STAT5B: variants seen among roughly 807,000 people sequenced by gnomAD.
STAT5B encodes the protein transcription factor STAT5B.
Under a neutral mutation model 107.8 loss-of-function variants are expected in STAT5B, and 21 were observed. The ratio of observed to expected loss-of-function variants is 0.19; its 90% confidence interval spans 0.14 to 0.28. STAT5B has a LOEUF of 0.28. Ranked by LOEUF, STAT5B falls within the 10% of genes least tolerant of loss-of-function variation. STAT5B has a pLI of 1.00. For missense variants in STAT5B, 565 were observed against 1,008.2 expected (o/e 0.56, Z 5.95); for synonymous variants, 325 against 401.7 (o/e 0.81, Z 2.28).
In STAT5B at chr17:42,264,643, T is replaced by C. The variant is rs540632697; in HGVS notation, c.-11+11605A>G. The stretch of plus-strand genomic sequence containing the variant: ...CTGGGTTGGTTCCAAGTCTTTGCTA[T>C]TGTGAATACTGCCGCAATAAACATA... On this transcript the variant is annotated intron_variant, in intron 1 of 18. Transcript: ENST00000293328. Among the ~76,000 whole-genome samples the C allele has an allele frequency of 4.3e-4, 65 of 152,130 alleles. No homozygotes were observed. The South Asian group carries it at 6.5e-3, about 15-fold the overall frequency.
intron 1 of STAT5B, among the ~76,000 whole-genome samples, chr17:42,256,141 G>A (rs565392544): frequency 4.2e-4 from 64 of 152,226 alleles, no homozygotes; most frequent in African/African-American, 1.5e-3. Context: ...TTAAAATGGG[G>A]TTAAAAAACC....
At chr17:42,209,522 C>T (rs1411764392) in intron 15 of STAT5B, among the ~76,000 whole-genome samples, 5 of 152,100 alleles carry the variant, frequency 3.3e-5, no homozygotes, top group Admixed American at 1.3e-4. Flanking sequence ...CCCAGGAGTT[C>T]GAGACCAGCC....
chr17:42,209,947 C>T (rs1037869375), intron 15 of STAT5B, among the ~76,000 whole-genome samples: 1 of 152,136 alleles, frequency 6.6e-6, no homozygotes, highest in African/African-American at 2.4e-5. Context: ...TCATGTGTAA[C>T]CATGCTGCCA....
At chr17:42,276,811 C>G (rs945904317), upstream of STAT5B, 5 of 152,474 alleles carry the variant, frequency 3.3e-5, no homozygotes, top group Non-Finnish European at 7.3e-5. This position sits in a 1 kb window ranked among gnomAD's most constrained non-coding sequence, Gnocchi z 4.8. Context: ...AGCCCAGGCC[C>G]GCGTTCCGGG....
In STAT5B at chr17:42,210,443, C is replaced by T; in HGVS notation, c.1735G>A (p.Glu579Lys). The change falls in exon 14 of 19, where the codon GAA (glutamate) becomes AAA (lysine). Residue 579 changes from glutamate to lysine, a missense_variant. Glu to Lys is a moderately conservative substitution (Grantham distance 56). Transcript: ENST00000293328. ...TFWQWFDGVM[E>K]VLKKHLKPHW... The stretch of plus-strand genomic sequence containing the variant: ...GGCTTGAGATGTTTTTTTAACACTT[C>T]CATCACACCGTCAAACCATTGCCAG... 6.2e-7 allele frequency: 1 copy of T among 1,614,168 alleles called. No individual in the cohort carries two copies. Among genetic ancestry groups the T allele is most frequent in the Non-Finnish European group, 8.5e-7 (1 of 1,180,034 alleles).
the STAT5B span, among the ~76,000 whole-genome samples, chr17:42,283,031 C>A: frequency 2.6e-5 from 4 of 152,302 alleles, no homozygotes; most frequent in African/African-American, 4.8e-5. Flanking sequence ...CAGAAAGGAA[C>A]CCCCTCCAGT....
intron 2 of STAT5B, among the ~76,000 whole-genome samples, chr17:42,229,469 G>T (rs967734121): frequency 6.6e-6 from 1 of 151,764 alleles, no homozygotes; most frequent in Non-Finnish European, 1.5e-5. Context: ...CTCTTAAAAG[G>T]ATCCAGTCTC....
intron 12 of STAT5B, 150 bp downstream of exon 12, chr17:42,215,864 C>T (rs1268538014): frequency 1.2e-5 from 10 of 837,734 alleles, no homozygotes; most frequent in Non-Finnish European, 1.7e-5. Flanking sequence ...TCAGGTGATC[C>T]AACCGCCTCG....
chr17:42,229,828 G>A (rs971888844), intron 2 of STAT5B, among the ~76,000 whole-genome samples: 5 of 151,254 alleles, frequency 3.3e-5, no homozygotes, highest in Admixed American at 2.0e-4. Flanking sequence ...CCGAGATCAC[G>A]CCACTGCAGC....
chr17:42,233,052 G>C (rs1253171201), intron 1 of STAT5B, among the ~76,000 whole-genome samples: 1 of 151,974 alleles, frequency 6.6e-6, no homozygotes, highest in Non-Finnish European at 1.5e-5. Context: ...ATGTTGGCCA[G>C]GATGGTCTCA....
chr17:42,202,353 T>C lies in STAT5B; in HGVS notation c.2224A>G (p.Met742Val), dbSNP rs769925436. Residue 742 changes from methionine to valine, a missense_variant, in exon 18 of 19, where the codon ATG becomes GTG. By Grantham distance (21) the Met-to-Val change is conservative. Transcript: ENST00000293328. The part of the protein sequence containing the change: ...PAVCPQAHYN[M>V]YPQNPDSVLD... ...AATGCCACCTACTTCTGTGGGTACA[T>C]GTTATAGTGAGCCTGGGGACACACA... 3.7e-6 allele frequency: 6 copies of C among 1,613,996 alleles called. No homozygotes were observed. In the African/African-American group the frequency reaches 6.7e-5, roughly 18 times the overall value.
Position 42,201,166 on chromosome 17 carries a change from T to C in STAT5B, c.*572A>G. On this transcript the variant is annotated 3_prime_UTR_variant, in exon 19 of 19. Transcript: ENST00000293328. ...TCTTTGTAGGTTGCCCCTTTTCCCATTCCTACCCAAGAACACAGGGGTGGG... is the reference window on the plus strand; with the variant it reads ...TCTTTGTAGGTTGCCCCTTTTCCCACTCCTACCCAAGAACACAGGGGTGGG... 2.4e-6 allele frequency: 1 copy of C among 408,742 alleles called. No homozygotes were observed. The highest frequency in any genetic ancestry group is 4.3e-6 in the Non-Finnish European group (1 of 231,812). 25.3% of individuals were successfully genotyped at this position (408,742 alleles called of 1,614,324 possible).
intron 1 of STAT5B, among the ~76,000 whole-genome samples, chr17:42,263,022 A>AAC (rs1567677451): frequency 8.3e-4 from 46 of 55,332 alleles, no homozygotes; most frequent in African/African-American, 1.9e-3. Flanking sequence ...ATATAAAAAA[A>AAC]CAAAAACAAT....
rs1477235764 is a variant in STAT5B at position 42,216,046 on chromosome 17, T to G, written c.1441A>C (p.Thr481Pro). 1 of 1,614,042 alleles carries G rather than the reference T, an allele frequency of 6.2e-7. No homozygotes were observed. Among genetic ancestry groups the G allele is most frequent in the Non-Finnish European group, 8.5e-7 (1 of 1,179,998 alleles). Reference sequence around the variant, plus strand: ...GCAAAAGCATTGTCCCAGAGAACAGTGGCCGTCGCATTGTTGTCCTGGCTG... The same window carrying G: ...GCAAAAGCATTGTCCCAGAGAACAGGGGCCGTCGCATTGTTGTCCTGGCTG... Reference protein sequence around the residue: ...HGSQDNNATATVLWDNAFAEP... With the variant: ...HGSQDNNATAPVLWDNAFAEP... Residue 481 changes from threonine (T) to proline (P), a missense_variant, in exon 12 of 19, where the codon ACT becomes CCT. Physicochemically the swap from Thr to Pro is conservative, Grantham distance 38. Around this residue, in one of 11 missense-constraint regions of STAT5B, gnomAD observed 127 missense variants for 215.8 expected, o/e 0.59. Coordinates refer to ENST00000293328, the MANE Select transcript of STAT5B (RefSeq NM_012448.4).
chr17:42,285,714 C>A, the STAT5B span, among the ~76,000 whole-genome samples: 2 of 152,224 alleles, frequency 1.3e-5, no homozygotes, highest in African/African-American at 4.8e-5. Context: ...GGAGCCACGA[C>A]TACAGTCACC....
chr17:42,284,034 T>C, the STAT5B span, among the ~76,000 whole-genome samples: 2 of 152,068 alleles, frequency 1.3e-5, no homozygotes, highest in Non-Finnish European at 2.9e-5. Flanking sequence ...GGGAAGGCCC[T>C]TCACCCCTAC....
intron 1 of STAT5B, among the ~76,000 whole-genome samples, chr17:42,273,200 T>G (rs760897410): frequency 4.3e-4 from 65 of 152,152 alleles, no homozygotes; most frequent in Admixed American, 1.6e-3. Flanking sequence ...AAAACTGTTG[T>G]GTTTCCAACA....
chr17:42,212,616 T>C (rs559241577), intron 12 of STAT5B, among the ~76,000 whole-genome samples: 15 of 152,358 alleles, frequency 9.8e-5, no homozygotes, highest in East Asian at 1.9e-4. Flanking sequence ...CGTGGAATCA[T>C]TGCCCTCGAC....
chr17:42,245,454 C>T (rs549237337), intron 1 of STAT5B, among the ~76,000 whole-genome samples: 8 of 151,944 alleles, frequency 5.3e-5, no homozygotes, highest in African/African-American at 1.9e-4. Context: ...CGCGTTCATG[C>T]AATTCTCTTG....
Sources: allele counts gnomAD v4.1 joint callset (sites outside exome capture counted in the v4.1 genomes callset), GRCh38; gene constraint gnomAD v4.1.1; regional missense constraint gnomAD v4.1.1; non-coding constraint Gnocchi (gnomAD v3.1); transcripts MANE v1.5; gene names NCBI Gene and HGNC (gene_info 2026-07-23, HGNC 2026-07-21).